STRN3: variants seen among roughly 807,000 people sequenced by gnomAD.
The protein encoded by STRN3 is striatin 3.
Under a neutral mutation model 95.6 loss-of-function variants are expected in STRN3, and 29 were observed. The ratio of observed to expected loss-of-function variants is 0.30; its 90% CI spans 0.23 to 0.41. The LOEUF (loss-of-function observed/expected upper bound fraction) is 0.41, where lower values mean the gene tolerates loss of function less well. Among genes scored for constraint, STRN3 ranks in the 10% least tolerant of loss-of-function variants. STRN3 has a pLI of 1.00. For missense variants in STRN3, 890 were observed against 972.1 expected (o/e 0.92, Z 1.12); for synonymous variants, 331 against 357.6 (o/e 0.93, Z 0.84).
chr14:31,026,141 C>A lies in STRN3; in HGVS notation c.45G>T (p.Ala15=). ...AGGGGGGPGM[A]APPRQQQGPG... ...GTCCCTGCTGCTGCCGGGGAGGGGCCGCCATCCCCGGGCCGCCACCACCGC... is the reference window on the plus strand; with the variant it reads ...GTCCCTGCTGCTGCCGGGGAGGGGCAGCCATCCCCGGGCCGCCACCACCGC... The change falls in exon 1 of 18, where the codon GCG becomes GCT. Residue 15 remains alanine (A), a synonymous_variant. Coordinates refer to ENST00000357479, the MANE Select transcript of STRN3 (RefSeq NM_001083893.2). 6.7e-7 allele frequency: 1 copy of A among 1,491,098 alleles called. No homozygotes were observed. The allele number at this position is 1,491,098 out of a possible 1,614,324, so 92.4% of individuals were successfully genotyped here. A position where few individuals can be genotyped will look rare whatever the true frequency, so the allele number is the denominator to read the frequency against.
At chr14:30,956,088 G>T in intron 2 of STRN3, 51 bp downstream of exon 2, 1 of 1,424,602 alleles carries the variant, frequency 7.0e-7, no homozygotes, top group South Asian at 1.2e-5. Flanking sequence ...TGGTATACAT[G>T]AGTATACTAT....
At chr14:30,923,458 A>T (rs1896934230) in intron 8 of STRN3, among the ~76,000 whole-genome samples, 1 of 152,178 alleles carries the variant, frequency 6.6e-6, no homozygotes, top group African/African-American at 2.4e-5. Context: ...ATTCTGCAAC[A>T]CCAGTAACGG....
rs531504740 is a variant in STRN3 at position 31,004,784 on chromosome 14, A to AT, written c.282+21119dup. On this transcript the variant is annotated intron_variant, in intron 1 of 17. Coordinates refer to ENST00000357479, the MANE Select transcript of STRN3 (RefSeq NM_001083893.2). ...GTGAAACTCCGTATTGAAAAAAAAA[A>AT]TTTTTTTTTTTTAAATCTTGGGGGA... Among the ~76,000 whole-genome samples the AT allele has an allele frequency of 5.9e-3, 883 of 149,442 alleles. 7 individuals are homozygous for AT. The highest frequency in any genetic ancestry group is 0.031 in the Middle Eastern group (9 of 288).
chr14:31,002,941 T>A (rs1214404637), intron 1 of STRN3, among the ~76,000 whole-genome samples: 1 of 152,080 alleles, frequency 6.6e-6, no homozygotes, highest in Non-Finnish European at 1.5e-5. Context: ...ATAAATGTAC[T>A]GCCTACCACT....
chr14:30,999,626 GA>G (rs1310308769), intron 1 of STRN3, among the ~76,000 whole-genome samples: 1 of 152,160 alleles, frequency 6.6e-6, no homozygotes, highest in African/African-American at 2.4e-5. Context: ...GCCAGTCTGA[GA>G]ACCAGAAAGA....
intron 9 of STRN3, among the ~76,000 whole-genome samples, chr14:30,915,446 TAG>T (rs1210415926): frequency 6.6e-6 from 1 of 152,146 alleles, no homozygotes; most frequent in Non-Finnish European, 1.5e-5. Flanking sequence ...AGAAAATATA[TAG>T]AGATATTAAG....
At chr14:30,968,888 T>A (rs1880683394) in intron 1 of STRN3, among the ~76,000 whole-genome samples, 1 of 152,152 alleles carries the variant, frequency 6.6e-6, no homozygotes. Flanking sequence ...AATATACTTC[T>A]GGTAAAAAGA....
intron 1 of STRN3, among the ~76,000 whole-genome samples, chr14:30,994,984 G>T (rs891718719): frequency 6.6e-6 from 1 of 152,222 alleles, no homozygotes; most frequent in Non-Finnish European, 1.5e-5. Flanking sequence ...CCAGGGTCAA[G>T]TGACAGTTAT....
At chr14:31,005,603 T>C (rs755134096) in intron 1 of STRN3, among the ~76,000 whole-genome samples, 15 of 152,224 alleles carry the variant, frequency 9.9e-5, no homozygotes, top group Non-Finnish European at 1.5e-4. Flanking sequence ...ACAATACTAA[T>C]GGAGATGTAA....
At chr14:30,950,304 G>A (rs1385663494) in intron 4 of STRN3, among the ~76,000 whole-genome samples, 1 of 152,058 alleles carries the variant, frequency 6.6e-6, no homozygotes, top group Non-Finnish European at 1.5e-5. Flanking sequence ...AGCAGAAAAG[G>A]CTGAATAACT....
chr14:30,965,198 A>T (rs530851499), intron 1 of STRN3, among the ~76,000 whole-genome samples: 1 of 152,296 alleles, frequency 6.6e-6, no homozygotes, highest in African/African-American at 2.4e-5. Flanking sequence ...GAAATATGTC[A>T]CCTAATACAA....
At chr14:30,908,591 G>T (rs1202281990) in intron 13 of STRN3, among the ~76,000 whole-genome samples, 1 of 152,120 alleles carries the variant, frequency 6.6e-6, no homozygotes, top group Non-Finnish European at 1.5e-5. Context: ...CATATTATTG[G>T]ACCTCTCAGC....
chr14:30,935,241 C>T lies in STRN3; in HGVS notation c.910G>A (p.Glu304Lys). 1 of 1,614,136 alleles carries T rather than the reference C, an allele frequency of 6.2e-7. No individual in the cohort carries two copies. The highest frequency in any genetic ancestry group is 1.7e-5 in the Admixed American group (1 of 60,016). The change falls in exon 7 of 18, where the codon GAA becomes AAA. Residue 304 changes from glutamate (E) to lysine (K), a missense_variant. Physicochemically the swap from Glu to Lys is moderately conservative, Grantham distance 56. Around this residue, in one of 3 missense-constraint regions of STRN3, gnomAD observed 526 missense variants for 526.3 expected, o/e 1.00. Coordinates refer to ENST00000357479, the MANE Select transcript of STRN3 (RefSeq NM_001083893.2). ...DDPDTEEALKEFDFLVTAEDG... is the reference protein window; with the variant it reads ...DDPDTEEALKKFDFLVTAEDG... ...TCAGCAGTCACTAAAAAATCAAATT[C>T]TTTCAGTGCTTCCTCAGTATCAGGA...
chr14:30,898,928 A>C (rs894729121), intron 16 of STRN3, among the ~76,000 whole-genome samples: 3 of 152,214 alleles, frequency 2.0e-5, no homozygotes, highest in African/African-American at 7.2e-5. Flanking sequence ...GTGTGAGTTT[A>C]AATACTGCAC....
intron 3 of STRN3, among the ~76,000 whole-genome samples, chr14:30,953,661 A>G (rs571977969): frequency 9.2e-5 from 14 of 152,326 alleles, no homozygotes; most frequent in African/African-American, 3.4e-4. Context: ...ACAGGGTCTC[A>G]CTTTGTCATC....
rs1878764447 is a variant in STRN3, at chr14:30,935,309, A to C, written c.847-5T>G. ...AGCTAAACCTTCATTACCTATCTGTAAATAGAATATAAACCAAGAATTACT... is the reference window on the plus strand; with the variant it reads ...AGCTAAACCTTCATTACCTATCTGTCAATAGAATATAAACCAAGAATTACT... On this transcript the variant is annotated splice_region_variant and splice_polypyrimidine_tract_variant and intron_variant, in intron 6 of 17. Coordinates refer to ENST00000357479, the MANE Select transcript of STRN3 (RefSeq NM_001083893.2). The C allele has an allele frequency of 6.2e-7, 1 of 1,612,554 alleles. No individual in the cohort carries two copies. The highest frequency in any genetic ancestry group is 1.3e-5 in the African/African-American group (1 of 74,958).
At position 30,973,674 on chromosome 14, in the gene STRN3, C is replaced by T. The variant is rs1039651360; in HGVS notation, c.283-17432G>A. Among the ~76,000 whole-genome samples, 4 of 152,268 alleles carry T rather than the reference C, an allele frequency of 2.6e-5. 1 individual carries two copies. Among genetic ancestry groups the T allele is most frequent in the African/African-American group, 7.2e-5 (3 of 41,554 alleles). On this transcript the variant is annotated intron_variant, in intron 1 of 17. Coordinates refer to ENST00000357479, the MANE Select transcript of STRN3 (RefSeq NM_001083893.2). ...AAGGCAGACAAAGACACTAAAGAAA[C>T]TATAGACCAATCAACATCCCCTGTG...
At chr14:31,014,217 T>C (rs1883128261) in intron 1 of STRN3, among the ~76,000 whole-genome samples, 1 of 151,554 alleles carries the variant, frequency 6.6e-6, no homozygotes, top group South Asian at 2.1e-4. Flanking sequence ...AGTGCAAAAA[T>C]TGTTGTTGTT....
chr14:30,899,813 T>C (rs1896256140), intron 16 of STRN3, among the ~76,000 whole-genome samples: 1 of 151,650 alleles, frequency 6.6e-6, no homozygotes, highest in Non-Finnish European at 1.5e-5. Context: ...TTATACATGA[T>C]AGTATCCAGT....
Sources: gnomAD v4.1 joint callset for allele counts (sites outside exome capture counted in the v4.1 genomes callset) on GRCh38, gnomAD v4.1.1 for gene constraint, gnomAD v4.1.1 regional missense constraint, MANE v1.5 for transcripts, NCBI Gene and HGNC (gene_info 2026-07-23, HGNC 2026-07-21) for gene names.